FHIT: variants seen among roughly 807,000 people sequenced by gnomAD.
The protein encoded by FHIT is bis(5'-adenosyl)-triphosphatase.
FHIT carries 19 observed loss-of-function variants against 17.9 expected under a neutral mutation model. The observed-to-expected ratio is 1.06, with a 90% CI of 0.74 to 1.56. FHIT has a LOEUF of 1.56. Among genes scored for constraint, FHIT ranks in the 40% most tolerant of loss-of-function variants. The probability of loss-of-function intolerance (pLI) is 0.00; values close to 1 mark genes in which losing one functional copy is unlikely to be tolerated. For synonymous variants in FHIT, 81 were observed against 69.7 expected, an observed-to-expected ratio of 1.16 and a Z score of -0.81; for missense variants, 248 against 189.2, an observed-to-expected ratio of 1.31 and a Z score of -1.82.
At chr3:60,351,319 A>G (rs1223990355) in intron 5 of FHIT, among the ~76,000 whole-genome samples, 1 of 152,186 alleles carries the variant, frequency 6.6e-6, no homozygotes, top group Non-Finnish European at 1.5e-5. Context: ...CAATACATTG[A>G]ATTACACTCA....
At chr3:60,324,709 T>C (rs1337065569) in intron 5 of FHIT, among the ~76,000 whole-genome samples, 1 of 152,198 alleles carries the variant, frequency 6.6e-6, no homozygotes, top group African/African-American at 2.4e-5. Flanking sequence ...GTCCACTATA[T>C]GGCTTGATTT....
chr3:60,262,737 C>T (rs1306740267), intron 5 of FHIT, among the ~76,000 whole-genome samples: 1 of 151,804 alleles, frequency 6.6e-6, no homozygotes, highest in Admixed American at 6.6e-5. Context: ...GACTGAAATT[C>T]CCTGACGGCA....
intron 5 of FHIT, among the ~76,000 whole-genome samples, chr3:60,338,219 C>T (rs1052351300): frequency 6.6e-6 from 1 of 152,122 alleles, no homozygotes; most frequent in Non-Finnish European, 1.5e-5. Context: ...AAGACTATAG[C>T]TTTCCCATTA....
chr3:60,070,392 A>T (rs1702713759), intron 5 of FHIT, among the ~76,000 whole-genome samples: 1 of 152,222 alleles, frequency 6.6e-6, no homozygotes, highest in Non-Finnish European at 1.5e-5. Context: ...TCTTTCAAAA[A>T]ATATTTACTG....
At chr3:59,822,505 G>C (rs1700831398) in intron 8 of FHIT, among the ~76,000 whole-genome samples, 1 of 151,966 alleles carries the variant, frequency 6.6e-6, no homozygotes. Context: ...GCAGGAGTAA[G>C]GTAGTATCAT....
chr3:60,860,008 C>G (rs1234788050), intron 3 of FHIT, among the ~76,000 whole-genome samples: 1 of 94,108 alleles, frequency 1.1e-5, no homozygotes, highest in Non-Finnish European at 2.2e-5. Flanking sequence ...TGTGCCATTG[C>G]ACTCCAGCCT....
intron 2 of FHIT, among the ~76,000 whole-genome samples, chr3:61,148,814 A>G (rs1253086540): frequency 6.6e-6 from 1 of 152,224 alleles, no homozygotes; most frequent in Non-Finnish European, 1.5e-5. Flanking sequence ...TTAAAAATTC[A>G]TAACTTATTG....
intron 3 of FHIT, among the ~76,000 whole-genome samples, chr3:60,864,219 G>A (rs1553753349): frequency 6.6e-6 from 1 of 151,590 alleles, no homozygotes; most frequent in Non-Finnish European, 1.5e-5. Flanking sequence ...GGGGATTATG[G>A]TAGGTACAAT....
At chr3:60,002,346 G>C (rs1699761502) in intron 7 of FHIT, among the ~76,000 whole-genome samples, 3 of 152,122 alleles carry the variant, frequency 2.0e-5, no homozygotes, top group African/African-American at 7.2e-5. Context: ...CTGAGGTTTT[G>C]GATTAATCTG....
chr3:60,704,489 G>A (rs1303804070), intron 4 of FHIT, among the ~76,000 whole-genome samples: 2 of 152,144 alleles, frequency 1.3e-5, no homozygotes, highest in East Asian at 3.9e-4. Context: ...GCAGATGGAG[G>A]AAATTAGAGT....
intron 8 of FHIT, among the ~76,000 whole-genome samples, chr3:59,789,844 C>T (rs191883930): frequency 1.9e-4 from 29 of 152,252 alleles, no homozygotes; most frequent in African/African-American, 6.5e-4. Flanking sequence ...TATGAGCTAC[C>T]TGGGAAAGTG....
intron 3 of FHIT, among the ~76,000 whole-genome samples, chr3:60,919,148 C>T (rs1707152448): frequency 6.6e-6 from 1 of 152,152 alleles, no homozygotes; most frequent in Admixed American, 6.5e-5. Flanking sequence ...CAGGGGGCCT[C>T]ATGTCAGGCT....
intron 5 of FHIT, among the ~76,000 whole-genome samples, chr3:60,403,840 C>T (rs974187196): frequency 1.3e-5 from 2 of 152,278 alleles, no homozygotes; most frequent in Admixed American, 1.3e-4. Flanking sequence ...TGAAGGCTCC[C>T]ATGTCATGTA....
intron 8 of FHIT, among the ~76,000 whole-genome samples, chr3:59,845,704 A>G (rs779826550): frequency 1.3e-5 from 2 of 152,098 alleles, no homozygotes; most frequent in South Asian, 2.1e-4. Context: ...CATATGGTCT[A>G]TCCTGGAAAA....
intron 5 of FHIT, among the ~76,000 whole-genome samples, chr3:60,033,094 G>A (rs1207411067): frequency 6.6e-6 from 1 of 152,104 alleles, no homozygotes; most frequent in Non-Finnish European, 1.5e-5. Flanking sequence ...CCTAATATAA[G>A]GTGTGGATCT....
At chr3:60,572,586 C>A (rs1053679749) in intron 4 of FHIT, among the ~76,000 whole-genome samples, 2 of 152,106 alleles carry the variant, frequency 1.3e-5, no homozygotes, top group African/African-American at 2.4e-5. Context: ...ATCCTGGTAT[C>A]CAATGTGAAT....
Position 60,685,008 on chromosome 3 carries a change from G to A in FHIT, c.-18+136911C>T, listed in dbSNP as rs1033822999. ...CTCCCTACGCCAGAGGGAAAGTAGC[G>A]TTCTTATCATCAAAGACGAGAAGTT... On this transcript the variant is annotated intron_variant, in intron 4 of 9. Coordinates refer to ENST00000492590, the MANE Select transcript of FHIT (RefSeq NM_002012.4). Among the ~76,000 whole-genome samples, 11 of 152,226 alleles carry A rather than the reference G, an allele frequency of 7.2e-5. No homozygotes were observed. The East Asian group carries it at 2.1e-3, about 29-fold the overall frequency.
At chr3:59,817,759 C>A (rs565175676) in intron 8 of FHIT, among the ~76,000 whole-genome samples, 1 of 152,038 alleles carries the variant, frequency 6.6e-6, no homozygotes, top group African/African-American at 2.4e-5. Context: ...CAACAGTTAT[C>A]TCTCCAATCC....
chr3:60,727,338 G>A (rs1042340777), intron 4 of FHIT, among the ~76,000 whole-genome samples: 23 of 152,136 alleles, frequency 1.5e-4, no homozygotes, highest in Admixed American at 1.4e-3. Context: ...AGAGAATTCA[G>A]TGTATCGAAA....
Sources: gnomAD v4.1 joint callset for allele counts (sites outside exome capture counted in the v4.1 genomes callset) on GRCh38, gnomAD v4.1.1 for gene constraint, MANE v1.5 for transcripts, NCBI Gene and HGNC (gene_info 2026-07-23, HGNC 2026-07-21) for gene names.